Variants in BIN3 observed in about 807,000 individuals in gnomAD.
BIN3 encodes bridging integrator 3.
BIN3 carries 41 observed loss-of-function variants against 38.2 expected under a neutral mutation model. That is an observed-to-expected ratio of 1.07 (90% CI 0.84 to 1.39). The LOEUF (loss-of-function observed/expected upper bound fraction) is 1.39, where lower values mean the gene tolerates loss of function less well. Among genes scored for constraint, BIN3 ranks in the 40% most tolerant of loss-of-function variants. The probability of loss-of-function intolerance (pLI) is 0.00; values close to 1 mark genes in which losing one functional copy is unlikely to be tolerated. For synonymous variants in BIN3, 145 were observed against 122.6 expected, an observed-to-expected ratio of 1.18 and a Z score of -1.21; for missense variants, 361 against 324.3, an observed-to-expected ratio of 1.11 and a Z score of -0.87.
chr8:22,629,722 G>A (rs1045260937), intron 6 of BIN3: 3 of 578,650 alleles, frequency 5.2e-6, no homozygotes, highest in Non-Finnish European at 9.3e-6. Flanking sequence ...TTGCTGGGTG[G>A]GGTGGGAAGG....
chr8:22,644,881 C>A (rs774627805), intron 1 of BIN3, 78 bp from the exon 2 acceptor site: 3 of 1,299,836 alleles, frequency 2.3e-6, no homozygotes, highest in South Asian at 2.5e-5. Flanking sequence ...ACAGTACAGG[C>A]CACTTTCCCC....
intron 5 of BIN3, 146 bp downstream of exon 5, chr8:22,630,296 C>A (rs538939466): frequency 8.4e-5 from 101 of 1,207,338 alleles, no homozygotes; most frequent in Non-Finnish European, 1.1e-4. Flanking sequence ...GCCCTGTGGG[C>A]TTGCAGCACC....
At position 22,621,012 on chromosome 8, in the gene BIN3, AG is replaced by A. The variant is rs1801777328; in HGVS notation, c.*409del. 1 of 161,536 alleles carries A rather than the reference AG, an allele frequency of 6.2e-6. No individual in the cohort carries two copies. The highest frequency in any genetic ancestry group is 1.4e-5 in the Non-Finnish European group (1 of 73,948). 10.0% of individuals were successfully genotyped at this position (161,536 alleles called of 1,614,324 possible). A position where few individuals can be genotyped will look rare whatever the true frequency, so the allele number is the denominator to read the frequency against. ...AGAAAAAAGAGGTTTTGAAGTGAAA[AG>A]GCAACGAGGGGCCAGAGGGCTCCCC... On this transcript the variant is annotated 3_prime_UTR_variant, in exon 9 of 9. Transcript: ENST00000276416.
intron 2 of BIN3, among the ~76,000 whole-genome samples, chr8:22,638,749 T>C (rs1802448356): frequency 6.6e-6 from 1 of 152,244 alleles, no homozygotes; most frequent in South Asian, 2.1e-4. Context: ...CCTTACTTTA[T>C]GATCCTAGCA....
intron 4 of BIN3, chr8:22,634,566 T>TA (rs11383600): frequency 0.39 from 176,673 of 455,566 alleles, 35,205 homozygotes; most frequent in East Asian, 0.55. Context: ...CTGCCTCTAT[T>TA]GGGACATTTC....
At position 22,644,745 on chromosome 8, in the gene BIN3, A is replaced by C. The variant is rs751940029; in HGVS notation, c.57+10T>G. 5 of 1,610,464 alleles carry C rather than the reference A, an allele frequency of 3.1e-6. No homozygotes were observed. In the South Asian group the frequency reaches 5.5e-5, roughly 18 times the overall value. ...ACTGAATCTCACAGCAAAACAATCGAGTTACTCACTGTTTTGGGCACAATC... is the reference window on the plus strand; with the variant it reads ...ACTGAATCTCACAGCAAAACAATCGCGTTACTCACTGTTTTGGGCACAATC... On this transcript the variant is annotated intron_variant, in intron 2 of 8. Transcript: ENST00000276416.
In BIN3 at chr8:22,654,765, G is replaced by C. The variant is rs146392402; in HGVS notation, c.9-9962C>G. On this transcript the variant is annotated intron_variant, in intron 1 of 8. Coordinates refer to ENST00000276416, the MANE Select transcript of BIN3 (RefSeq NM_018688.6). ...GACAATTGGGTTGTTTTCCCTTTTT[G>C]GGTATTAATGAATGCTGTGACAAAC... Among the ~76,000 whole-genome samples the C allele has an allele frequency of 9.5e-3, 1,414 of 148,420 alleles. 16 individuals carry two copies. Among genetic ancestry groups the C allele is most frequent in the African/African-American group, 0.035 (1,335 of 38,138 alleles).
intron 1 of BIN3, among the ~76,000 whole-genome samples, chr8:22,665,165 G>A (rs957836452): frequency 3.3e-5 from 5 of 152,206 alleles, no homozygotes; most frequent in African/African-American, 1.2e-4. Context: ...ATCAGAAGGA[G>A]TGGGGAGGAG....
intron 1 of BIN3, among the ~76,000 whole-genome samples, chr8:22,647,934 G>A (rs1336565383): frequency 1.3e-5 from 2 of 151,778 alleles, no homozygotes; most frequent in African/African-American, 2.4e-5. Context: ...AGACCATCCT[G>A]GCTAACACGG....
intron 6 of BIN3, chr8:22,626,670 T>G (rs1802015800): frequency 6.6e-6 from 1 of 152,474 alleles, no homozygotes; most frequent in Admixed American, 6.5e-5. Flanking sequence ...GAGAGCTCTC[T>G]GGCCCTGGCC....
chr8:22,657,004 G>A (rs1803077038), intron 1 of BIN3, among the ~76,000 whole-genome samples: 1 of 152,170 alleles, frequency 6.6e-6, no homozygotes, highest in African/African-American at 2.4e-5. Flanking sequence ...CCCCTGTTAA[G>A]TACTGTACTA....
chr8:22,638,965 G>A (rs1802454601), intron 2 of BIN3, among the ~76,000 whole-genome samples: 1 of 152,224 alleles, frequency 6.6e-6, no homozygotes, highest in Non-Finnish European at 1.5e-5. Context: ...AATGCTTGAT[G>A]AGCATTTAAA....
In BIN3 at chr8:22,662,536, G is replaced by C. The variant is rs139768037; in HGVS notation, c.8+6508C>G. On this transcript the variant is annotated intron_variant, in intron 1 of 8. Coordinates refer to ENST00000276416, the MANE Select transcript of BIN3 (RefSeq NM_018688.6). ...AAGAACTCAGCCAGTGTTCTTTACA[G>C]CTGCCCCTTCTGTTATTTTTTATTA... is the stretch of plus-strand genomic sequence containing the variant. Among the ~76,000 whole-genome samples the C allele has an allele frequency of 1.3e-3, 196 of 152,286 alleles. 1 individual carries two copies. The highest frequency in any genetic ancestry group is 4.4e-3 in the African/African-American group (184 of 41,544).
At chr8:22,656,091 CCT>C (rs1803048205) in intron 1 of BIN3, among the ~76,000 whole-genome samples, 1 of 152,068 alleles carries the variant, frequency 6.6e-6, no homozygotes, top group Non-Finnish European at 1.5e-5. Flanking sequence ...CCTAAAAACC[CCT>C]GATAAGGATA....
chr8:22,646,039 C>T (rs979987492), intron 1 of BIN3, among the ~76,000 whole-genome samples: 3 of 152,216 alleles, frequency 2.0e-5, no homozygotes, highest in Admixed American at 2.0e-4. Context: ...GCCTGGCCTC[C>T]GCTTCCACTG....
At chr8:22,628,588 T>A (rs1355220919) in intron 6 of BIN3, among the ~76,000 whole-genome samples, 2 of 151,818 alleles carry the variant, frequency 1.3e-5, no homozygotes, top group African/African-American at 2.4e-5. Context: ...GTGGCCGGGG[T>A]TTCTCTCCAT....
intron 3 of BIN3, 51 bp from the exon 4 acceptor site, chr8:22,636,637 G>A: frequency 1.3e-6 from 2 of 1,537,536 alleles, no homozygotes; most frequent in Non-Finnish European, 1.8e-6. Context: ...CCCCCTACCT[G>A]AGCGAAGCCC....
At position 22,630,474 on chromosome 8, in the gene BIN3, T is replaced by C. The variant is rs373934216; in HGVS notation, c.265A>G (p.Met89Val). Reference sequence around the variant, plus strand: ...TGATTGAAGGCATCCATCCGCTTCATGGCCGTGTCCAGGGCCGTCACCATG... The same window carrying C: ...TGATTGAAGGCATCCATCCGCTTCACGGCCGTGTCCAGGGCCGTCACCATG... Reference protein sequence around the residue: ...LNMVTALDTAMKRMDAFNQEK... With the variant: ...LNMVTALDTAVKRMDAFNQEK... The change falls in exon 5 of 9, where the codon ATG becomes GTG. Residue 89 changes from methionine (M) to valine (V), a missense_variant. Physicochemically the swap from Met to Val is conservative, Grantham distance 21 (BLOSUM62 1). Transcript: ENST00000276416. 8.7e-6 allele frequency: 14 copies of C among 1,613,924 alleles called. No homozygotes were observed. The South Asian group carries it at 8.8e-5, about 10-fold the overall frequency.
intron 4 of BIN3, 82 bp from the exon 5 acceptor site, chr8:22,630,660 C>T: frequency 6.5e-7 from 1 of 1,531,288 alleles, no homozygotes; most frequent in Non-Finnish European, 8.9e-7. Context: ...TCCTCCTATG[C>T]CAGGGGCCTG....
Sources: gnomAD v4.1 joint callset for allele counts (sites outside exome capture counted in the v4.1 genomes callset) on GRCh38, gnomAD v4.1.1 for gene constraint, MANE v1.5 for transcripts, NCBI Gene and HGNC (gene_info 2026-07-23, HGNC 2026-07-21) for gene names.